Variants in GRIA2 observed in about 807,000 individuals in gnomAD.
GRIA2 encodes the protein glutamate ionotropic receptor AMPA type subunit 2, also known as glutamate receptor 2.
GRIA2 carries 14 observed loss-of-function variants against 97.3 expected under a neutral mutation model. That is an observed-to-expected ratio of 0.14 (90% confidence interval 0.10 to 0.23). The LOEUF is 0.23. GRIA2 is among the 10% of genes least tolerant of loss of function. The pLI, the probability that GRIA2 is intolerant of heterozygous loss-of-function variation, is 1.00. For missense variants in GRIA2, 558 were observed against 1,069.8 expected (o/e 0.52, Z 6.67); for synonymous variants, 412 against 387.8 (o/e 1.06, Z -0.73).
Position 157,226,044 on chromosome 4 carries a change from T to A in GRIA2, c.229+4237T>A, listed in dbSNP as rs183259095. Among the ~76,000 whole-genome samples, 369 of 152,130 alleles carry A rather than the reference T, an allele frequency of 2.4e-3. 4 individuals carry two copies. The highest frequency in any genetic ancestry group is 0.023 in the Admixed American group (352 of 15,286). On this transcript the variant is annotated intron_variant, in intron 2 of 15. Coordinates refer to ENST00000264426, the MANE Select transcript of GRIA2 (RefSeq NM_001083619.3). ...CTACAGGGTTTGAAAATTAAAAGTATTAAATATTGAATTTACTCCCCAGAA... is the reference window on the plus strand; with the variant it reads ...CTACAGGGTTTGAAAATTAAAAGTAATAAATATTGAATTTACTCCCCAGAA...
intron 6 of GRIA2, among the ~76,000 whole-genome samples, chr4:157,326,988 T>C (rs897586406): frequency 6.6e-6 from 1 of 152,146 alleles, no homozygotes; most frequent in Admixed American, 6.6e-5. Context: ...AATGGTTGTC[T>C]TAATTGTGGT....
At chr4:157,221,539 G>A in intron 1 of GRIA2, 128 bp from the exon 2 acceptor site, 1 of 933,650 alleles carries the variant, frequency 1.1e-6, no homozygotes, top group Middle Eastern at 3.1e-4. Context: ...GTCCGAGTCC[G>A]TAGGTGTGTT....
chr4:157,325,703 T>C (rs1425716889), intron 6 of GRIA2, among the ~76,000 whole-genome samples: 1 of 152,188 alleles, frequency 6.6e-6, no homozygotes, highest in Non-Finnish European at 1.5e-5. Flanking sequence ...AGTTGTTGCT[T>C]AGACCAAAAA....
At chr4:157,354,786 T>C (rs1463959382) in intron 12 of GRIA2, among the ~76,000 whole-genome samples, 1 of 152,178 alleles carries the variant, frequency 6.6e-6, no homozygotes, top group Non-Finnish European at 1.5e-5. Flanking sequence ...GTGCGTATGT[T>C]AGTTTTATAG....
intron 2 of GRIA2, among the ~76,000 whole-genome samples, chr4:157,266,899 A>G (rs1731796289): frequency 6.6e-6 from 1 of 151,830 alleles, no homozygotes; most frequent in Admixed American, 6.6e-5. Context: ...TCTCTACAAA[A>G]ATATTTAACA....
intron 2 of GRIA2, chr4:157,249,564 G>T (rs1730931264): frequency 1.3e-5 from 2 of 152,134 alleles, no homozygotes; most frequent in African/African-American, 4.8e-5. Context: ...GCCTGGATTT[G>T]TACCTAGAAT....
chr4:157,347,260 A>T (rs1476230069), intron 12 of GRIA2, among the ~76,000 whole-genome samples: 1 of 152,122 alleles, frequency 6.6e-6, no homozygotes. Context: ...AGCTTTTTCC[A>T]GGGTACATGT....
At chr4:157,305,810 A>G (rs1733816706) in intron 3 of GRIA2, among the ~76,000 whole-genome samples, 1 of 152,110 alleles carries the variant, frequency 6.6e-6, no homozygotes, top group African/African-American at 2.4e-5. Flanking sequence ...GTCACTTAAG[A>G]ATTGCCTATT....
chr4:157,236,949 G>A (rs552469119), intron 2 of GRIA2, among the ~76,000 whole-genome samples: 1 of 152,042 alleles, frequency 6.6e-6, no homozygotes, highest in African/African-American at 2.4e-5. Context: ...CCTGTTTATC[G>A]CTTTTTGGAA....
chr4:157,251,194 C>T (rs1339012253), intron 2 of GRIA2, among the ~76,000 whole-genome samples: 1 of 151,962 alleles, frequency 6.6e-6, no homozygotes, highest in African/African-American at 2.4e-5. Flanking sequence ...AGACTCACAT[C>T]CTTGGACCAG....
intron 2 of GRIA2, among the ~76,000 whole-genome samples, chr4:157,238,022 G>A (rs76039798): frequency 0.019 from 2,842 of 152,162 alleles, 47 homozygotes; most frequent in Middle Eastern, 0.071. Context: ...ACTAAAGACC[G>A]CAATCTATAT....
chr4:157,227,243 G>A (rs1729790637), intron 2 of GRIA2, among the ~76,000 whole-genome samples: 1 of 152,140 alleles, frequency 6.6e-6, no homozygotes, highest in Non-Finnish European at 1.5e-5. Context: ...AGCCTTTAAA[G>A]TGCTAGGGAC....
intron 2 of GRIA2, among the ~76,000 whole-genome samples, chr4:157,296,881 G>C (rs1026803935): frequency 4.6e-5 from 7 of 152,098 alleles, no homozygotes; most frequent in Non-Finnish European, 8.8e-5. Flanking sequence ...CTTTCAATTA[G>C]CTCACAGTTT....
chr4:157,259,719 G>A lies in GRIA2; in HGVS notation c.229+37912G>A, dbSNP rs890576871. Among the ~76,000 whole-genome samples, 8 of 152,104 alleles carry A rather than the reference G, an allele frequency of 5.3e-5. No individual in the cohort carries two copies. The East Asian group carries it at 1.6e-3, about 29-fold the overall frequency. The stretch of plus-strand genomic sequence containing the variant: ...ACTGCTGTTCCTATTTGAAAGTACT[G>A]AATATAGATTACAAACTCTAACTTG... On this transcript the variant is annotated intron_variant, in intron 2 of 15. Transcript: ENST00000264426.
chr4:157,258,835 A>G (rs1731397792), intron 2 of GRIA2, among the ~76,000 whole-genome samples: 1 of 152,088 alleles, frequency 6.6e-6, no homozygotes, highest in African/African-American at 2.4e-5. Context: ...ATAGAAAAGG[A>G]CCCACGTTGA....
At chr4:157,295,039 A>G (rs975787926) in intron 2 of GRIA2, among the ~76,000 whole-genome samples, 1 of 152,196 alleles carries the variant, frequency 6.6e-6, no homozygotes, top group Non-Finnish European at 1.5e-5. Context: ...AGAACCCATC[A>G]TTAAAATTCA....
intron 2 of GRIA2, among the ~76,000 whole-genome samples, chr4:157,284,413 G>T (rs890867474): frequency 2.0e-5 from 3 of 151,648 alleles, no homozygotes; most frequent in Admixed American, 6.6e-5. Context: ...GTTTTCATAT[G>T]CCCTGCTCTC....
intron 2 of GRIA2, among the ~76,000 whole-genome samples, chr4:157,292,161 T>G (rs1453244402): frequency 6.6e-6 from 1 of 151,860 alleles, no homozygotes; most frequent in Non-Finnish European, 1.5e-5. Context: ...GGTACAAAAA[T>G]TTTGCAAAAG....
At chr4:157,226,195 A>T (rs1309722109) in intron 2 of GRIA2, among the ~76,000 whole-genome samples, 2 of 152,072 alleles carry the variant, frequency 1.3e-5, no homozygotes, top group African/African-American at 4.8e-5. Context: ...ATTAAATTGA[A>T]GGAAACAGCA....
Sources: allele counts gnomAD v4.1 joint callset (sites outside exome capture counted in the v4.1 genomes callset), GRCh38; gene constraint gnomAD v4.1.1; transcripts MANE v1.5; gene names NCBI Gene and HGNC (gene_info 2026-07-23, HGNC 2026-07-21).